NRG1: variants seen among roughly 807,000 people sequenced by gnomAD.
The protein encoded by NRG1 is pro-neuregulin-1, membrane-bound isoform.
In NRG1, 18 loss-of-function variants were observed where a neutral mutation model predicts 63.8. That is an observed-to-expected ratio of 0.28 (90% CI 0.19 to 0.42). The LOEUF (loss-of-function observed/expected upper bound fraction) is 0.42, where lower values mean the gene tolerates loss of function less well. NRG1 is among the 10% of genes least tolerant of loss of function. The probability of loss-of-function intolerance (pLI) is 1.00; values close to 1 mark genes in which losing one functional copy is unlikely to be tolerated. For synonymous variants in NRG1, 302 were observed against 301.3 expected, an observed-to-expected ratio of 1.00 and a Z score of -0.02; for missense variants, 762 against 814.7, an observed-to-expected ratio of 0.94 and a Z score of 0.79.
intron 1 of NRG1, among the ~76,000 whole-genome samples, chr8:32,398,946 T>C (rs1269765459): frequency 6.6e-6 from 1 of 152,218 alleles, no homozygotes; most frequent in Non-Finnish European, 1.5e-5. Context: ...ATTATATATA[T>C]TGCAATATCA....
In NRG1 at chr8:31,930,306, G is replaced by C. The variant is rs554868785; in HGVS notation, c.37+290875G>C. On this transcript the variant is annotated intron_variant, in intron 1 of 10. Transcript: ENST00000519301. Reference sequence around the variant, plus strand: ...TGAAAAGTTTAAAAGATCATTTATTGATTAAGGAAATTCCTTTGACTTTAA... The same window carrying C: ...TGAAAAGTTTAAAAGATCATTTATTCATTAAGGAAATTCCTTTGACTTTAA... Among the ~76,000 whole-genome samples the C allele has an allele frequency of 1.2e-4, 18 of 152,306 alleles. No individual in the cohort carries two copies. The South Asian group carries it at 3.7e-3, about 32-fold the overall frequency.
intron 1 of NRG1, among the ~76,000 whole-genome samples, chr8:31,767,258 T>G (rs1417113520): frequency 6.6e-6 from 1 of 152,196 alleles, no homozygotes; most frequent in Non-Finnish European, 1.5e-5. Flanking sequence ...AACACTGATA[T>G]TTTTCACTGG....
intron 1 of NRG1, among the ~76,000 whole-genome samples, chr8:32,118,856 C>T (rs990978524): frequency 6.6e-6 from 1 of 152,030 alleles, no homozygotes; most frequent in African/African-American, 2.4e-5. Context: ...GAAACCAGCT[C>T]CTTGTACCTC....
intron 7 of NRG1, among the ~76,000 whole-genome samples, chr8:32,748,322 T>A (rs1325174507): frequency 1.4e-5 from 2 of 139,500 alleles, no homozygotes; most frequent in Non-Finnish European, 3.1e-5. Context: ...CATAGGCGCA[T>A]GTACACGCGC....
intron 5 of NRG1, among the ~76,000 whole-genome samples, chr8:32,656,847 T>G (rs988934421): frequency 8.3e-6 from 1 of 119,860 alleles, no homozygotes; most frequent in African/African-American, 3.2e-5. Flanking sequence ...AATGGAAAGC[T>G]TCCTCAGGTA....
chr8:32,748,783 AGTTTG>A, intron 7 of NRG1: 1 of 449,328 alleles, frequency 2.2e-6, no homozygotes, highest in Admixed American at 2.4e-5. Context: ...TTTTCCTTAC[AGTTTG>A]AAAAAAGTGA....
At position 32,280,679 on chromosome 8, in the gene NRG1, GGTTTTTTTTTTGTTTT is replaced by G. The variant is rs1177154550; in HGVS notation, c.38-315148_38-315133del. 3.3e-3 allele frequency among the ~76,000 whole-genome samples: 313 copies of G among 95,140 alleles called. 1 individual carries two copies. The highest frequency in any genetic ancestry group is 0.012 in the African/African-American group (296 of 25,324). 62.4% of individuals were successfully genotyped at this position (95,140 alleles called of 152,430 possible). A position where few individuals can be genotyped will look rare whatever the true frequency, so the allele number is the denominator to read the frequency against. On this transcript the variant is annotated intron_variant, in intron 1 of 10. Coordinates refer to the NRG1 transcript ENST00000519301. ...GGGTGTCTTTCATGCAACTGAATTA[GGTTTTTTTTTTGTTTT>G]TTTTTTTTTTTTTTTTTTTCAGATA...
chr8:32,701,047 AT>A (rs1814736080), intron 5 of NRG1, among the ~76,000 whole-genome samples: 1 of 152,140 alleles, frequency 6.6e-6, no homozygotes, highest in Non-Finnish European at 1.5e-5. Context: ...CATCCTTCAA[AT>A]TTCAACTCAG....
intron 1 of NRG1, among the ~76,000 whole-genome samples, chr8:31,810,401 C>G (rs1822773929): frequency 6.6e-6 from 1 of 152,152 alleles, no homozygotes; most frequent in Non-Finnish European, 1.5e-5. Flanking sequence ...ATGACCAATA[C>G]AGCCATATGA....
intron 1 of NRG1, among the ~76,000 whole-genome samples, chr8:31,926,763 C>T (rs904146303): frequency 6.6e-6 from 1 of 152,034 alleles, no homozygotes; most frequent in East Asian, 2.0e-4. Flanking sequence ...GTTAGAAAAG[C>T]TTAGACTCTG....
At chr8:31,980,044 T>G (rs2129630502) in intron 1 of NRG1, among the ~76,000 whole-genome samples, 1 of 152,228 alleles carries the variant, frequency 6.6e-6, no homozygotes, top group Middle Eastern at 3.4e-3. Context: ...GGTGCTATTA[T>G]TATCCCTGTT....
chr8:31,860,423 C>A (rs1220170644), intron 1 of NRG1, among the ~76,000 whole-genome samples: 1 of 152,116 alleles, frequency 6.6e-6, no homozygotes, highest in Non-Finnish European at 1.5e-5. Flanking sequence ...GCATGGTGGG[C>A]ATTTAGTCGT....
At chr8:31,912,404 A>G (rs1478501492) in intron 1 of NRG1, among the ~76,000 whole-genome samples, 5 of 152,034 alleles carry the variant, frequency 3.3e-5, no homozygotes, top group Non-Finnish European at 5.9e-5. Context: ...GGTGGCTGGC[A>G]GTGTGGGGAC....
At chr8:31,752,390 A>T (rs1353340564) in intron 1 of NRG1, among the ~76,000 whole-genome samples, 16 of 151,922 alleles carry the variant, frequency 1.1e-4, no homozygotes, top group Non-Finnish European at 2.2e-4. Flanking sequence ...TGAAGAGGGG[A>T]TATGACCTGC....
rs150616130 is a variant in NRG1, at chr8:31,729,574, A to T, written c.37+90143A>T. On this transcript the variant is annotated intron_variant, in intron 1 of 10. Coordinates refer to the NRG1 transcript ENST00000519301. ...AGGTTTGAAAAACTTGGTTTTCTCCAGTACTCACTCTTATCAAGGAGGAAA... is the reference window on the plus strand; with the variant it reads ...AGGTTTGAAAAACTTGGTTTTCTCCTGTACTCACTCTTATCAAGGAGGAAA... Among the ~76,000 whole-genome samples the T allele has an allele frequency of 2.0e-3, 298 of 152,264 alleles. 2 individuals are homozygous for T. Among genetic ancestry groups the T allele is most frequent in the Admixed American group, 3.5e-3 (53 of 15,274 alleles).
chr8:32,355,677 A>G (rs1286086489), intron 1 of NRG1, among the ~76,000 whole-genome samples: 2 of 151,818 alleles, frequency 1.3e-5, no homozygotes, highest in Non-Finnish European at 2.9e-5. Flanking sequence ...GGGAAAAAAA[A>G]AACTGAGTAA....
chr8:31,937,306 G>C (rs1801057931), intron 1 of NRG1, among the ~76,000 whole-genome samples: 1 of 152,162 alleles, frequency 6.6e-6, no homozygotes, highest in Non-Finnish European at 1.5e-5. Context: ...GTGTTAGCTA[G>C]AGAAGACTTA....
intron 1 of NRG1, among the ~76,000 whole-genome samples, chr8:31,947,306 C>CAAAAAAAAAA (rs61713691): frequency 3.0e-4 from 40 of 132,662 alleles, no homozygotes; most frequent in African/African-American, 1.3e-3. Flanking sequence ...GACTCCGTCT[C>CAAAAAAAAAA]AAAAAAAAAA....
At chr8:31,656,792 T>C (rs1273051287) in intron 1 of NRG1, among the ~76,000 whole-genome samples, 2 of 152,236 alleles carry the variant, frequency 1.3e-5, no homozygotes, top group African/African-American at 4.8e-5. Context: ...CTTGGCACAC[T>C]GACTTGAGAA....
Sources: gnomAD v4.1 joint callset for allele counts (sites outside exome capture counted in the v4.1 genomes callset) on GRCh38, gnomAD v4.1.1 for gene constraint, MANE v1.5 for transcripts, NCBI Gene and HGNC (gene_info 2026-07-23, HGNC 2026-07-21) for gene names.